FHOD3: variants seen among roughly 807,000 people sequenced by gnomAD.
FHOD3 encodes the protein FH1/FH2 domain-containing protein 3.
A neutral mutation model predicts 173.0 loss-of-function variants in FHOD3; 90 were observed. The observed-to-expected ratio is 0.52, with a 90% CI of 0.44 to 0.62. The LOEUF is 0.62. Ranked by LOEUF, FHOD3 falls within the 20% of genes least tolerant of loss-of-function variation. FHOD3 has a pLI of 0.00. For synonymous variants in FHOD3, 828 were observed against 823.0 expected, an observed-to-expected ratio of 1.01 and a Z score of -0.10; for missense variants, 1,945 against 2,034.7, an observed-to-expected ratio of 0.96 and a Z score of 0.85.
intron 17 of FHOD3, among the ~76,000 whole-genome samples, chr18:36,702,520 G>C (rs984247489): frequency 6.6e-6 from 1 of 152,156 alleles, no homozygotes; most frequent in African/African-American, 2.4e-5. Flanking sequence ...CTGAGCTGGG[G>C]AGGTCCCTGG....
chr18:36,302,268 G>A (rs189107438), intron 1 of FHOD3, among the ~76,000 whole-genome samples: 361 of 152,206 alleles, frequency 2.4e-3, no homozygotes, highest in Admixed American at 3.7e-3. Context: ...TGGTTGCCTC[G>A]CTGCCTCAGC....
chr18:36,509,890 A>C (rs1031848139), intron 4 of FHOD3, among the ~76,000 whole-genome samples: 1 of 152,228 alleles, frequency 6.6e-6, no homozygotes, highest in Admixed American at 6.5e-5. Context: ...GGCAAGGAAG[A>C]AGCTGCTTGT....
At chr18:36,646,443 A>T (rs2035689541) in intron 10 of FHOD3, among the ~76,000 whole-genome samples, 1 of 152,236 alleles carries the variant, frequency 6.6e-6, no homozygotes, top group African/African-American at 2.4e-5. Context: ...CAAAGATGTC[A>T]GTTCTTCAAA....
intron 15 of FHOD3, among the ~76,000 whole-genome samples, chr18:36,684,845 G>A (rs545187884): frequency 5.4e-4 from 82 of 152,186 alleles, no homozygotes; most frequent in Middle Eastern, 3.4e-3. Context: ...CTCTTTTGCC[G>A]AGGCTGGAGT....
intron 3 of FHOD3, among the ~76,000 whole-genome samples, chr18:36,485,469 T>A (rs1054374408): frequency 1.3e-5 from 2 of 152,182 alleles, no homozygotes; most frequent in African/African-American, 2.4e-5. Context: ...GTGGTTTCTC[T>A]TAGCAGCTCC....
At position 36,421,486 on chromosome 18, in the gene FHOD3, G is replaced by C. The variant is rs1045771505; in HGVS notation, c.337+48742G>C. Reference sequence around the variant, plus strand: ...AAACTTTGCAGCCTAAAACAAAACTGAGATTGCATATGATTGGTTTTTATG... The same window carrying C: ...AAACTTTGCAGCCTAAAACAAAACTCAGATTGCATATGATTGGTTTTTATG... On this transcript the variant is annotated intron_variant, in intron 3 of 28. Coordinates refer to ENST00000590592, the MANE Select transcript of FHOD3 (RefSeq NM_001281740.3). Among the ~76,000 whole-genome samples, 3 of 152,180 alleles carry C rather than the reference G, an allele frequency of 2.0e-5. No homozygotes were observed. In the East Asian group the frequency reaches 5.8e-4, roughly 29 times the overall value.
intron 1 of FHOD3, among the ~76,000 whole-genome samples, chr18:36,306,700 T>A (rs1421434726): frequency 6.6e-6 from 1 of 152,230 alleles, no homozygotes; most frequent in Non-Finnish European, 1.5e-5. Flanking sequence ...TTTGTTTTTT[T>A]TAAATCTGTT....
intron 9 of FHOD3, among the ~76,000 whole-genome samples, chr18:36,622,337 T>A (rs576462533): frequency 4.6e-5 from 7 of 152,338 alleles, no homozygotes; most frequent in African/African-American, 1.7e-4. Context: ...ATGTTGAATA[T>A]TTTTACTACA....
chr18:36,629,485 C>G (rs1447202766), intron 10 of FHOD3, among the ~76,000 whole-genome samples: 1 of 152,132 alleles, frequency 6.6e-6, no homozygotes, highest in African/African-American at 2.4e-5. Flanking sequence ...GTTTGCCAAC[C>G]CCTGTCCCAA....
intron 5 of FHOD3, among the ~76,000 whole-genome samples, chr18:36,554,728 A>G (rs1474719010): frequency 6.6e-6 from 1 of 152,222 alleles, no homozygotes; most frequent in Non-Finnish European, 1.5e-5. Flanking sequence ...CTTTCTGGTA[A>G]AAATTTAACT....
intron 10 of FHOD3, among the ~76,000 whole-genome samples, chr18:36,638,429 C>T (rs1014491737): frequency 1.3e-5 from 2 of 152,184 alleles, no homozygotes; most frequent in African/African-American, 2.4e-5. Context: ...TGGGAAACCA[C>T]AGCACAGAGT....
At chr18:36,541,105 G>T (rs1416955662) in intron 5 of FHOD3, among the ~76,000 whole-genome samples, 4 of 151,840 alleles carry the variant, frequency 2.6e-5, no homozygotes, top group Admixed American at 1.3e-4. Context: ...ACAAAAATTA[G>T]CCAGGCCTGG....
intron 1 of FHOD3, among the ~76,000 whole-genome samples, chr18:36,338,877 A>G (rs1027110729): frequency 5.3e-5 from 8 of 152,096 alleles, no homozygotes; most frequent in African/African-American, 1.9e-4. Context: ...ATACTCACTT[A>G]GCCTGAAGGG....
chr18:36,431,610 C>T (rs2050555795), intron 3 of FHOD3, among the ~76,000 whole-genome samples: 1 of 152,184 alleles, frequency 6.6e-6, no homozygotes, highest in South Asian at 2.1e-4. Flanking sequence ...ATTTAGTGGC[C>T]TCTAAGGTCC....
At chr18:36,430,888 C>A (rs1288354313) in intron 3 of FHOD3, among the ~76,000 whole-genome samples, 1 of 151,960 alleles carries the variant, frequency 6.6e-6, no homozygotes, top group Non-Finnish European at 1.5e-5. Flanking sequence ...ATGGAATGGG[C>A]AGACCAACTG....
intron 1 of FHOD3, among the ~76,000 whole-genome samples, chr18:36,324,300 A>G (rs1441623955): frequency 6.6e-6 from 1 of 152,252 alleles, no homozygotes; most frequent in Non-Finnish European, 1.5e-5. Context: ...AAAGGAAAAT[A>G]TATTTACAAC....
intron 4 of FHOD3, among the ~76,000 whole-genome samples, chr18:36,508,274 T>A (rs1261701254): frequency 6.6e-6 from 1 of 151,904 alleles, no homozygotes; most frequent in African/African-American, 2.4e-5. Flanking sequence ...ATAAGCTTTT[T>A]TTTTTTTAAA....
chr18:36,493,971 A>G (rs2054601708), intron 3 of FHOD3, among the ~76,000 whole-genome samples: 1 of 152,216 alleles, frequency 6.6e-6, no homozygotes, highest in South Asian at 2.1e-4. Flanking sequence ...CGATTTTTAT[A>G]GACCCCAAAG....
intron 5 of FHOD3, among the ~76,000 whole-genome samples, chr18:36,550,460 T>C (rs981938080): frequency 6.6e-6 from 1 of 151,900 alleles, no homozygotes; most frequent in African/African-American, 2.4e-5. Flanking sequence ...TTGGTTTTTT[T>C]TCTGTAAATT....
Sources: gnomAD v4.1 joint callset for allele counts (sites outside exome capture counted in the v4.1 genomes callset) on GRCh38, gnomAD v4.1.1 for gene constraint, MANE v1.5 for transcripts, NCBI Gene and HGNC (gene_info 2026-07-23, HGNC 2026-07-21) for gene names.